The following SFI1 variants were observed in gnomAD, a reference collection of about 807,000 sequenced individuals.
The protein encoded by SFI1 is protein SFI1 homolog.
SFI1 carries 195 observed loss-of-function variants against 207.5 expected under a neutral mutation model. The ratio of observed to expected loss-of-function variants is 0.94; its 90% CI spans 0.84 to 1.06. SFI1 has a LOEUF of 1.06. SFI1 is among the 50% of genes least tolerant of loss of function. SFI1 has a pLI of 0.00. For missense variants in SFI1, 1,634 were observed against 1,588.0 expected, an observed-to-expected ratio of 1.03 and a Z score of -0.49; for synonymous variants, 630 against 598.9, an observed-to-expected ratio of 1.05 and a Z score of -0.76.
At chr22:31,618,016 G>C in intron 31 of SFI1, 99 bp from the exon 32 acceptor site, 2 of 1,351,136 alleles carry the variant, frequency 1.5e-6, no homozygotes, top group Non-Finnish European at 2.0e-6. Flanking sequence ...CTCTCCACCC[G>C]ATACCCGCAT....
intron 15 of SFI1, among the ~76,000 whole-genome samples, chr22:31,598,758 A>T (rs1603298127): frequency 1.1e-5 from 1 of 90,412 alleles, no homozygotes; most frequent in Non-Finnish European, 2.2e-5. Context: ...GAAGTGTTTG[A>T]ATTCTGTTGG....
intron 27 of SFI1, 192 bp from the exon 28 acceptor site, chr22:31,614,597 C>CT: frequency 1.4e-6 from 1 of 711,016 alleles, no homozygotes; most frequent in Non-Finnish European, 2.6e-6. Flanking sequence ...AAGCAGTCCC[C>CT]TGGCGTCAGG....
In SFI1 at chr22:31,583,952, T is replaced by C. The variant is rs1375470934; in HGVS notation, c.1326T>C (p.His442=). ...AAAGAGAGCTGCTCCCCTTACTGCA[T>C]GCTGCCTGGGACCACTACAGGTAGG... ...KKERELLPLL[H]AAWDHYRIAL... The change falls in exon 13 of 33, where the codon CAT becomes CAC. Residue 442 remains histidine, a synonymous_variant. Coordinates refer to ENST00000400288, the MANE Select transcript of SFI1 (RefSeq NM_001007467.3). The C allele has an allele frequency of 1.2e-6, 2 of 1,614,016 alleles. No individual in the cohort carries two copies. Among genetic ancestry groups the C allele is most frequent in the Non-Finnish European group, 1.7e-6 (2 of 1,180,002 alleles).
chr22:31,519,933 A>G (rs2057010493), intron 2 of SFI1, among the ~76,000 whole-genome samples: 1 of 151,200 alleles, frequency 6.6e-6, no homozygotes, highest in South Asian at 2.1e-4. Context: ...ACACTGGCTA[A>G]TTTTTGTATT....
chr22:31,507,960 C>T (rs1217754761), intron 1 of SFI1, among the ~76,000 whole-genome samples: 6 of 152,066 alleles, frequency 3.9e-5, no homozygotes, highest in Non-Finnish European at 8.8e-5. Flanking sequence ...CCTGTAATCC[C>T]AGCTACTTGA....
intron 13 of SFI1, among the ~76,000 whole-genome samples, chr22:31,584,279 G>C (rs1005381757): frequency 6.6e-6 from 1 of 152,198 alleles, no homozygotes; most frequent in Non-Finnish European, 1.5e-5. Context: ...CATTGCTAGT[G>C]TTAAAGAGAA....
chr22:31,617,003 G>A lies in SFI1; in HGVS notation c.3437G>A (p.Ser1146Asn). Reference sequence around the variant, plus strand: ...AAGCTTACTTCTGTCGCCATAGGCAGCCTGGACCTTGAGGCTGAACTTGAG... The same window carrying A: ...AAGCTTACTTCTGTCGCCATAGGCAACCTGGACCTTGAGGCTGAACTTGAG... ...RAGPGLSTAG[S>N]LDLEAELEEI... The change falls in exon 31 of 33, where the codon AGC becomes AAC. Residue 1146 changes from serine to asparagine, a missense_variant. By Grantham distance (46) the Ser-to-Asn change is conservative. Coordinates refer to ENST00000400288, the MANE Select transcript of SFI1 (RefSeq NM_001007467.3). 1 of 1,614,104 alleles carries A rather than the reference G, an allele frequency of 6.2e-7. No homozygotes were observed. The highest frequency in any genetic ancestry group is 8.5e-7 in the Non-Finnish European group (1 of 1,180,030).
At chr22:31,574,134 T>C (rs2063234148) in intron 9 of SFI1, among the ~76,000 whole-genome samples, 1 of 152,222 alleles carries the variant, frequency 6.6e-6, no homozygotes, top group East Asian at 1.9e-4. Context: ...ATTGAGTTTA[T>C]ACCAAAGTAA....
chr22:31,556,659 A>C (rs977471966), intron 6 of SFI1, among the ~76,000 whole-genome samples: 6 of 152,216 alleles, frequency 3.9e-5, no homozygotes, highest in Non-Finnish European at 8.8e-5. Flanking sequence ...TAAAAATTGC[A>C]GAGTATATCT....
chr22:31,529,777 G>A (rs992221204), intron 3 of SFI1, among the ~76,000 whole-genome samples: 2 of 152,134 alleles, frequency 1.3e-5, no homozygotes, highest in South Asian at 2.1e-4. Context: ...TGGAGGAAGT[G>A]GAGTTTAAGC....
chr22:31,598,276 T>C (rs1348859689), intron 15 of SFI1, among the ~76,000 whole-genome samples: 4 of 149,678 alleles, frequency 2.7e-5, no homozygotes, highest in East Asian at 2.0e-4. Flanking sequence ...TGAGCCACCA[T>C]GCCCGGCCGA....
At chr22:31,531,656 G>A (rs569993686) in intron 4 of SFI1, among the ~76,000 whole-genome samples, 38 of 152,268 alleles carry the variant, frequency 2.5e-4, no homozygotes, top group African/African-American at 8.2e-4. Flanking sequence ...CACTTTGGGA[G>A]GCCAAGGTGG....
At chr22:31,537,616 T>TA (rs1316107781) in intron 4 of SFI1, among the ~76,000 whole-genome samples, 2 of 152,344 alleles carry the variant, frequency 1.3e-5, no homozygotes, top group African/African-American at 2.4e-5. Flanking sequence ...TGAGGATAGT[T>TA]ACGCCTGTAG....
intron 4 of SFI1, among the ~76,000 whole-genome samples, chr22:31,532,061 A>C (rs2058583576): frequency 6.8e-6 from 1 of 147,900 alleles, no homozygotes; most frequent in South Asian, 2.1e-4. Context: ...ACTCCATCTC[A>C]AAAAAAAAAT....
At chr22:31,563,878 C>T (rs2061982710) in intron 8 of SFI1, among the ~76,000 whole-genome samples, 1 of 151,328 alleles carries the variant, frequency 6.6e-6, no homozygotes, top group Non-Finnish European at 1.5e-5. Flanking sequence ...TGAGCCACCA[C>T]ACCCAGCCTA....
intron 5 of SFI1, among the ~76,000 whole-genome samples, chr22:31,548,702 G>A (rs1230585971): frequency 2.0e-5 from 3 of 151,644 alleles, no homozygotes; most frequent in Admixed American, 6.6e-5. Context: ...CCAGCCACTC[G>A]GGAGGCTGAG....
chr22:31,586,589 T>G (rs1320756487), intron 14 of SFI1, among the ~76,000 whole-genome samples: 2 of 152,240 alleles, frequency 1.3e-5, no homozygotes, highest in Admixed American at 1.3e-4. Flanking sequence ...TTGACATGCC[T>G]TTGGATTATG....
intron 8 of SFI1, among the ~76,000 whole-genome samples, chr22:31,561,822 T>C (rs1356911684): frequency 6.6e-6 from 1 of 152,246 alleles, no homozygotes; most frequent in Admixed American, 6.5e-5. Context: ...GGCAAGCCAC[T>C]AGCTTTTTTT....
intron 27 of SFI1, chr22:31,614,182 G>C: frequency 2.6e-6 from 1 of 382,662 alleles, no homozygotes; most frequent in Non-Finnish European, 4.8e-6. Flanking sequence ...TTGACAAAGG[G>C]AACAAGCTCA....
Sources: gnomAD v4.1 joint callset for allele counts (sites outside exome capture counted in the v4.1 genomes callset) on GRCh38, gnomAD v4.1.1 for gene constraint, MANE v1.5 for transcripts, NCBI Gene and HGNC (gene_info 2026-07-23, HGNC 2026-07-21) for gene names.